YPEL1: variants seen among roughly 807,000 people sequenced by gnomAD.
The protein encoded by YPEL1 is yippee like 1, also known as protein yippee-like 1.
In YPEL1, 7 loss-of-function variants were observed where a neutral mutation model predicts 17.3. That is an observed-to-expected ratio of 0.40 (90% confidence interval 0.23 to 0.76). The LOEUF is 0.76. Ranked by LOEUF, YPEL1 falls within the 30% of genes least tolerant of loss-of-function variation. YPEL1 has a pLI of 0.35. For synonymous variants in YPEL1, 59 were observed against 59.6 expected, an observed-to-expected ratio of 0.99 and a Z score of 0.05; for missense variants, 91 against 155.5, an observed-to-expected ratio of 0.59 and a Z score of 2.21.
At chr22:21,713,799 AAAG>A (rs2068194784) in intron 1 of YPEL1, among the ~76,000 whole-genome samples, 2 of 152,184 alleles carry the variant, frequency 1.3e-5, no homozygotes, top group South Asian at 2.1e-4. Flanking sequence ...CTCATTAACA[AAAG>A]AAGGTTAAGT....
chr22:21,711,163 CAGGA>C (rs2068162073), intron 1 of YPEL1, among the ~76,000 whole-genome samples: 2 of 151,980 alleles, frequency 1.3e-5, no homozygotes, highest in Admixed American at 6.6e-5. Flanking sequence ...GCTGGGATTA[CAGGA>C]ACACGCCACC....
At chr22:21,702,655 G>A (rs1377391731) in intron 4 of YPEL1, among the ~76,000 whole-genome samples, 3 of 152,168 alleles carry the variant, frequency 2.0e-5, no homozygotes, top group Non-Finnish European at 2.9e-5. Flanking sequence ...GGAAGGCATG[G>A]GAGCATCCAA....
At chr22:21,709,892 T>C (rs1051738178) in intron 2 of YPEL1, among the ~76,000 whole-genome samples, 1 of 149,510 alleles carries the variant, frequency 6.7e-6, no homozygotes, top group Non-Finnish European at 1.5e-5. Context: ...GGTCATGACC[T>C]GAGGATCGGT....
chr22:21,721,382 T>A (rs2068281502), intron 1 of YPEL1, among the ~76,000 whole-genome samples: 2 of 151,640 alleles, frequency 1.3e-5, no homozygotes, highest in Non-Finnish European at 2.9e-5. Flanking sequence ...CCTCCCAAAG[T>A]GCTGAGATTA....
intron 1 of YPEL1, among the ~76,000 whole-genome samples, chr22:21,718,347 C>G (rs1428399003): frequency 6.6e-6 from 1 of 151,814 alleles, no homozygotes; most frequent in African/African-American, 2.4e-5. Flanking sequence ...CACCTGTAGT[C>G]CCAGCTACTT....
chr22:21,710,196 G>A (rs1601628758), intron 2 of YPEL1, among the ~76,000 whole-genome samples: 1 of 152,096 alleles, frequency 6.6e-6, no homozygotes, highest in African/African-American at 2.4e-5. Flanking sequence ...ACCGACAAAC[G>A]CAGCCACACC....
At chr22:21,724,209 C>T (rs1014122115) in intron 1 of YPEL1, among the ~76,000 whole-genome samples, 1 of 152,254 alleles carries the variant, frequency 6.6e-6, no homozygotes. Context: ...CCTCATCACA[C>T]TCTGCTTAAA....
At chr22:21,726,281 T>C (rs1454054542) in intron 1 of YPEL1, among the ~76,000 whole-genome samples, 2 of 152,292 alleles carry the variant, frequency 1.3e-5, no homozygotes, top group East Asian at 3.9e-4. Context: ...GGAAGGAATC[T>C]CATCTATTCA....
chr22:21,703,395 C>G lies in YPEL1; in HGVS notation c.245G>C (p.Cys82Ser). Residue 82 changes from cysteine (C) to serine (S), a missense_variant, in exon 4 of 5, where the codon TGC becomes TCC. Coordinates refer to ENST00000339468, the MANE Select transcript of YPEL1 (RefSeq NM_013313.5). The surrounding 1 kb of genome is among the most constrained non-coding windows in gnomAD (Gnocchi z 6.1). ...HAVADIYCEN[C>S]KTTLGWKYEH... The stretch of plus-strand genomic sequence containing the variant: ...GTATTTCCACCCGAGCGTGGTCTTG[C>G]AGTTCTCGCAGTAGATGTCGGCAAC... The G allele has an allele frequency of 6.2e-7, 1 of 1,613,604 alleles. No individual in the cohort carries two copies. The highest frequency in any genetic ancestry group is 8.5e-7 in the Non-Finnish European group (1 of 1,179,990).
intron 1 of YPEL1, among the ~76,000 whole-genome samples, chr22:21,730,716 G>A (rs1011895185): frequency 3.3e-5 from 5 of 152,188 alleles, no homozygotes; most frequent in Admixed American, 2.6e-4. Flanking sequence ...AGGAACTGCA[G>A]CCTAGGTGCA....
chr22:21,711,266 A>G (rs1248174304), intron 1 of YPEL1, among the ~76,000 whole-genome samples: 1 of 152,228 alleles, frequency 6.6e-6, no homozygotes, highest in East Asian at 1.9e-4. Context: ...GACAAAATGA[A>G]CACTGACACC....
chr22:21,724,762 G>A (rs928990581), intron 1 of YPEL1, among the ~76,000 whole-genome samples: 5 of 150,592 alleles, frequency 3.3e-5, no homozygotes, highest in Non-Finnish European at 7.4e-5. Context: ...TGTATTTTTT[G>A]TAGAGACAAG....
At chr22:21,705,989 G>A (rs991442781) in intron 2 of YPEL1, among the ~76,000 whole-genome samples, 1 of 151,982 alleles carries the variant, frequency 6.6e-6, no homozygotes, top group Non-Finnish European at 1.5e-5. Context: ...AATTAGCTGG[G>A]CATGGTGGAG....
chr22:21,711,070 C>G (rs993820907), intron 1 of YPEL1, among the ~76,000 whole-genome samples, 162 bp from the exon 2 acceptor site: 12 of 150,898 alleles, frequency 8.0e-5, no homozygotes, highest in Admixed American at 2.7e-4. Flanking sequence ...GTTGCCCAGG[C>G]TGGAGTGCAG....
At chr22:21,710,497 T>C in intron 2 of YPEL1, 131 bp downstream of exon 2, 1 of 816,388 alleles carries the variant, frequency 1.2e-6, no homozygotes, top group South Asian at 1.5e-5. Context: ...CAATGCTGCC[T>C]AGAAGGCTCT....
Position 21,703,811 on chromosome 22 carries a change from T to TC in YPEL1, c.161+27dup, listed in dbSNP as rs765910889. 6.2e-6 allele frequency: 10 copies of TC among 1,604,788 alleles called. No individual in the cohort carries two copies. The highest frequency in any genetic ancestry group is 4.0e-5 in the African/African-American group (3 of 74,394). On this transcript the variant is annotated intron_variant, in intron 3 of 4. Transcript: ENST00000339468. This position sits in a 1 kb window ranked among gnomAD's most constrained non-coding sequence, Gnocchi z 6.1. ...CAGGCCGTCCCAGGGCCCGTGCCGCTCCCCCCGGGCTGAACCAGGGTACTC... is the reference window on the plus strand; with the variant it reads ...CAGGCCGTCCCAGGGCCCGTGCCGCTCCCCCCCGGGCTGAACCAGGGTACTC...
chr22:21,731,885 C>T (rs2068390639), intron 1 of YPEL1, among the ~76,000 whole-genome samples: 1 of 152,208 alleles, frequency 6.6e-6, no homozygotes, highest in African/African-American at 2.4e-5. Context: ...GATCCTTGGG[C>T]ACAGTTTAGG....
chr22:21,709,741 CTGAGGATGGGGGGAGGTCATGGCCTG>C (rs371404969), intron 2 of YPEL1, among the ~76,000 whole-genome samples: 28 of 152,176 alleles, frequency 1.8e-4, no homozygotes, highest in Non-Finnish European at 2.5e-4. Flanking sequence ...ACGTCATGAC[CTGAGGATGGGGGGAGGTCATGGCCTG>C]TGAGGATGGG....
chr22:21,718,139 A>AC (rs1166724156), intron 1 of YPEL1, among the ~76,000 whole-genome samples: 8 of 150,392 alleles, frequency 5.3e-5, no homozygotes, highest in Non-Finnish European at 7.4e-5. Context: ...AAAAAAAAAA[A>AC]AAAACAAAAA....
Sources: gnomAD v4.1 joint callset for allele counts (sites outside exome capture counted in the v4.1 genomes callset) on GRCh38, gnomAD v4.1.1 for gene constraint, Gnocchi (gnomAD v3.1) non-coding constraint, MANE v1.5 for transcripts, NCBI Gene and HGNC (gene_info 2026-07-23, HGNC 2026-07-21) for gene names.